The following CENPC variants were observed in gnomAD, a reference collection of about 807,000 sequenced individuals.
CENPC encodes CENP-C 1.
CENPC carries 63 observed loss-of-function variants against 112.1 expected under a neutral mutation model. The ratio of observed to expected loss-of-function variants is 0.56; its 90% CI spans 0.46 to 0.69. The LOEUF is 0.69. CENPC is among the 30% of genes least tolerant of loss of function. The pLI, the probability that CENPC is intolerant of heterozygous loss-of-function variation, is 0.00. For missense variants in CENPC, 1,000 were observed against 1,103.8 expected, an observed-to-expected ratio of 0.91 and a Z score of 1.33; for synonymous variants, 333 against 367.6, an observed-to-expected ratio of 0.91 and a Z score of 1.08.
rs191614857 is a variant in CENPC at position 67,469,052 on chromosome 4, A to T, written c.*3553T>A. ...CACACATATGATGAAATAGAACTAT[A>T]CACATGCATTGTATCCTTGCCAAAT... is the stretch of plus-strand genomic sequence containing the variant. On this transcript the variant is annotated 3_prime_UTR_variant, in exon 19 of 19. Coordinates refer to ENST00000273853, the MANE Select transcript of CENPC (RefSeq NM_001812.4). 5 of 152,352 alleles carry T rather than the reference A, an allele frequency of 3.3e-5. No individual in the cohort carries two copies. The highest frequency in any genetic ancestry group is 9.6e-5 in the African/African-American group (4 of 41,584). The allele number at this position is 152,352 out of a possible 1,614,324, so 9.4% of individuals were successfully genotyped here.
chr4:67,541,127 C>A (rs1350113913), intron 2 of CENPC, 77 bp from the exon 3 acceptor site: 10 of 863,438 alleles, frequency 1.2e-5, no homozygotes, highest in Non-Finnish European at 1.6e-5. Flanking sequence ...AATTCCACAT[C>A]TCATTATAAA....
At position 67,518,282 on chromosome 4, in the gene CENPC, T is replaced by C. The variant is rs761809517; in HGVS notation, c.704A>G (p.Gln235Arg). 5.1e-6 allele frequency: 8 copies of C among 1,558,828 alleles called. No individual in the cohort carries two copies. The highest frequency in any genetic ancestry group is 1.2e-5 in the South Asian group (1 of 84,338). The change falls in exon 7 of 19, where the codon CAA becomes CGA. Residue 235 changes from glutamine (Q) to arginine (R), a missense_variant. Physicochemically the swap from Gln to Arg is conservative, Grantham distance 43. Coordinates refer to ENST00000273853, the MANE Select transcript of CENPC (RefSeq NM_001812.4). ...SDEEDKTSEG[Q>R]ERKPSGSSQN... ...AGATGATCCTGATGGTTTTCTTTCT[T>C]GTCCTTCCGATGTTTTATCCTCTTC...
At chr4:67,500,323 C>T (rs897995895) in intron 12 of CENPC, among the ~76,000 whole-genome samples, 7 of 151,912 alleles carry the variant, frequency 4.6e-5, no homozygotes, top group Non-Finnish European at 7.4e-5. Context: ...GATATAGATG[C>T]CTGTATTGTA....
chr4:67,542,489 G>C (rs1243249725), intron 2 of CENPC, among the ~76,000 whole-genome samples: 1 of 152,124 alleles, frequency 6.6e-6, no homozygotes, highest in African/African-American at 2.4e-5. Context: ...AAATCATCCA[G>C]TCCAATAATC....
At chr4:67,532,078 T>C (rs1369146494) in intron 4 of CENPC, among the ~76,000 whole-genome samples, 1 of 152,062 alleles carries the variant, frequency 6.6e-6, no homozygotes, top group South Asian at 2.1e-4. Context: ...CATCAAAAAG[T>C]GGGCAAAGGA....
At chr4:67,504,240 A>G (rs1725674253) in intron 12 of CENPC, among the ~76,000 whole-genome samples, 1 of 152,170 alleles carries the variant, frequency 6.6e-6, no homozygotes, top group African/African-American at 2.4e-5. Flanking sequence ...AGAGTATACT[A>G]CAATAACACT....
chr4:67,521,569 G>C (rs895273202), intron 5 of CENPC, among the ~76,000 whole-genome samples: 10 of 152,172 alleles, frequency 6.6e-5, no homozygotes. Flanking sequence ...GAACCTTTGT[G>C]CATGCACTGC....
At chr4:67,533,939 G>C (rs372597386) in intron 4 of CENPC, among the ~76,000 whole-genome samples, 12 of 152,186 alleles carry the variant, frequency 7.9e-5, no homozygotes, top group African/African-American at 2.7e-4. Flanking sequence ...TCAGGAGGCT[G>C]AGGCAGGAGG....
intron 12 of CENPC, among the ~76,000 whole-genome samples, chr4:67,504,072 C>T (rs1725667285): frequency 1.4e-5 from 2 of 140,422 alleles, no homozygotes; most frequent in Admixed American, 1.5e-4. Flanking sequence ...GTGATGCTTC[C>T]CGATCAGTGG....
chr4:67,545,414 C>G lies in CENPC; in HGVS notation c.-59G>C, dbSNP rs1042805629. On this transcript the variant is annotated 5_prime_UTR_variant, in exon 1 of 19. Coordinates refer to ENST00000273853, the MANE Select transcript of CENPC (RefSeq NM_001812.4). ...AGGTGGAAGCCCACACGGACCACAG[C>G]TCCAGGAAGCCGAGCAAGAAACGAA... The G allele has an allele frequency of 2.4e-5, 35 of 1,451,592 alleles. No individual in the cohort carries two copies. The African/African-American group carries it at 3.6e-4, about 15-fold the overall frequency. 89.9% of individuals were successfully genotyped at this position (1,451,592 alleles called of 1,614,324 possible). A position where few individuals can be genotyped will look rare whatever the true frequency, so the allele number is the denominator to read the frequency against.
chr4:67,514,229 G>T lies in CENPC; in HGVS notation c.1289C>A (p.Ala430Asp). 6.2e-7 allele frequency: 1 copy of T among 1,613,102 alleles called. No individual in the cohort carries two copies. The highest frequency in any genetic ancestry group is 2.2e-5 in the East Asian group (1 of 44,816). ...CTGTCCCACATCAAGCTGTTCTTCAGCTGGTTTAGCCATGAATTTTCTTCT... is the reference window on the plus strand; with the variant it reads ...CTGTCCCACATCAAGCTGTTCTTCATCTGGTTTAGCCATGAATTTTCTTCT... ...KQRRKFMAKP[A>D]EEQLDVGQSK... Residue 430 changes from alanine (A) to aspartate (D), a missense_variant, in exon 8 of 19, where the codon GCT (alanine) becomes GAT (aspartate). Coordinates refer to ENST00000273853, the MANE Select transcript of CENPC (RefSeq NM_001812.4).
At chr4:67,488,048 TA>T (rs1257736274) in intron 17 of CENPC, among the ~76,000 whole-genome samples, 2 of 151,768 alleles carry the variant, frequency 1.3e-5, no homozygotes, top group East Asian at 3.8e-4. Flanking sequence ...ATAGAAGAAA[TA>T]AAATCAACTA....
Position 67,545,410 on chromosome 4 carries a change from A to T in CENPC, c.-55T>A. ...TCTGAGGTGGAAGCCCACACGGACC[A>T]CAGCTCCAGGAAGCCGAGCAAGAAA... On this transcript the variant is annotated 5_prime_UTR_variant, in exon 1 of 19. Transcript: ENST00000273853. 1 of 1,464,488 alleles carries T rather than the reference A, an allele frequency of 6.8e-7. No homozygotes were observed. The highest frequency in any genetic ancestry group is 1.3e-5 in the South Asian group (1 of 74,722). The allele number at this position is 1,464,488 out of a possible 1,614,324, so 90.7% of individuals were successfully genotyped here.
At chr4:67,491,695 C>T (rs1725287008) in intron 16 of CENPC, among the ~76,000 whole-genome samples, 3 of 151,926 alleles carry the variant, frequency 2.0e-5, no homozygotes, top group Admixed American at 2.0e-4. Flanking sequence ...ATCTGTACAA[C>T]TGATTGATGC....
chr4:67,518,689 C>T (rs1267475140), intron 6 of CENPC, among the ~76,000 whole-genome samples: 1 of 152,110 alleles, frequency 6.6e-6, no homozygotes, highest in Admixed American at 6.6e-5. Flanking sequence ...ATATCAAAGT[C>T]TTAGAATATA....
At chr4:67,487,342 AAATTCATGGATTTAGATAT>A (rs932299201) in intron 17 of CENPC, among the ~76,000 whole-genome samples, 5 of 151,482 alleles carry the variant, frequency 3.3e-5, no homozygotes, top group African/African-American at 1.2e-4. Context: ...GTAGTCTTAG[AAATTCATGGATTTAGATAT>A]AATTGATACA....
At chr4:67,494,131 T>C (rs1481890787) in intron 13 of CENPC, 143 bp from the exon 14 acceptor site, 1 of 534,782 alleles carries the variant, frequency 1.9e-6, no homozygotes, top group African/African-American at 1.9e-5. Context: ...AAAAAACAAA[T>C]ATTTATGCTA....
intron 17 of CENPC, among the ~76,000 whole-genome samples, chr4:67,489,218 A>T (rs1045815828): frequency 6.6e-6 from 1 of 151,446 alleles, no homozygotes; most frequent in African/African-American, 2.4e-5. Context: ...ACACACACAC[A>T]CACATACACA....
At chr4:67,505,652 T>A (rs1241622204) in intron 11 of CENPC, among the ~76,000 whole-genome samples, 1 of 152,222 alleles carries the variant, frequency 6.6e-6, no homozygotes, top group Non-Finnish European at 1.5e-5. Context: ...TGTATTATTT[T>A]AAATGTCATA....
Sources: allele counts gnomAD v4.1 joint callset (sites outside exome capture counted in the v4.1 genomes callset), GRCh38; gene constraint gnomAD v4.1.1; transcripts MANE v1.5; gene names NCBI Gene and HGNC (gene_info 2026-07-23, HGNC 2026-07-21).